TBCK: variants seen among roughly 807,000 people sequenced by gnomAD.
The protein encoded by TBCK is TBC1 domain containing kinase.
TBCK carries 99 observed loss-of-function variants against 113.4 expected under a neutral mutation model. The ratio of observed to expected loss-of-function variants is 0.87; its 90% CI spans 0.74 to 1.03. The LOEUF is 1.03. Ranked by LOEUF, TBCK falls within the 50% of genes least tolerant of loss-of-function variation. The pLI is 0.00. For synonymous variants in TBCK, 369 were observed against 370.8 expected (o/e 1.00, Z 0.05); for missense variants, 1,045 against 1,061.3 (o/e 0.98, Z 0.21).
intron 24 of TBCK, 109 bp downstream of exon 24, chr4:106,116,089 CTTGAA>C: frequency 1.0e-6 from 1 of 997,002 alleles, no homozygotes; most frequent in East Asian, 2.4e-5. Context: ...AATTTAACTA[CTTGAA>C]TTCAGAAGAA....
intron 20 of TBCK, among the ~76,000 whole-genome samples, chr4:106,202,973 TATAA>T (rs1307172572): frequency 3.3e-5 from 5 of 152,110 alleles, no homozygotes; most frequent in Admixed American, 6.5e-5. Context: ...GCAATGTAAT[TATAA>T]ATAGATGATA....
intron 25 of TBCK, among the ~76,000 whole-genome samples, chr4:106,070,957 G>A (rs538764399): frequency 6.6e-6 from 1 of 152,124 alleles, no homozygotes; most frequent in East Asian, 1.9e-4. Context: ...TTTTCTGATG[G>A]TAGTTTGTAT....
intron 19 of TBCK, among the ~76,000 whole-genome samples, chr4:106,226,364 T>C (rs1758245009): frequency 6.6e-6 from 1 of 152,210 alleles, no homozygotes. Flanking sequence ...AGAAGATGTC[T>C]CATATGGTCT....
intron 19 of TBCK, among the ~76,000 whole-genome samples, chr4:106,229,755 AT>A (rs139747244): frequency 6.6e-6 from 1 of 150,960 alleles, no homozygotes; most frequent in Non-Finnish European, 1.5e-5. Flanking sequence ...AAATTTTAGG[AT>A]TTTTTTTTCT....
intron 5 of TBCK, among the ~76,000 whole-genome samples, chr4:106,252,480 A>G (rs1427227854): frequency 6.6e-6 from 1 of 152,138 alleles, no homozygotes; most frequent in Non-Finnish European, 1.5e-5. Flanking sequence ...ATTTATGTAT[A>G]TATAACTTTG....
intron 23 of TBCK, among the ~76,000 whole-genome samples, chr4:106,126,812 G>A (rs900236222): frequency 2.0e-5 from 3 of 152,076 alleles, no homozygotes; most frequent in African/African-American, 7.3e-5. Context: ...ATGTATGTCT[G>A]CCTCAATAAT....
chr4:106,301,036 C>T (rs1766881296), intron 2 of TBCK, among the ~76,000 whole-genome samples: 1 of 152,034 alleles, frequency 6.6e-6, no homozygotes, highest in African/African-American at 2.4e-5. Flanking sequence ...AGCTTCTGCC[C>T]AAGAGTTCAG....
chr4:106,217,346 T>C (rs12640911), intron 19 of TBCK, among the ~76,000 whole-genome samples: 19,634 of 151,954 alleles, frequency 0.13, 1,598 homozygotes, highest in South Asian at 0.24. Flanking sequence ...CTATTCAACA[T>C]AGTGTTGGAA....
At chr4:106,103,308 GTGC>G (rs899566304) in intron 24 of TBCK, among the ~76,000 whole-genome samples, 8 of 152,128 alleles carry the variant, frequency 5.3e-5, no homozygotes, top group African/African-American at 1.7e-4. Flanking sequence ...ATACACACAG[GTGC>G]TGAAGGTAAT....
chr4:106,204,474 T>C (rs916707403), intron 20 of TBCK, among the ~76,000 whole-genome samples: 3 of 152,176 alleles, frequency 2.0e-5, no homozygotes, highest in African/African-American at 7.2e-5. Flanking sequence ...ATGCTAATGG[T>C]GCAAAGCCAC....
chr4:106,307,218 C>T (rs1440137377), intron 2 of TBCK, among the ~76,000 whole-genome samples: 1 of 152,100 alleles, frequency 6.6e-6, no homozygotes, highest in African/African-American at 2.4e-5. Context: ...CCTTAATTTC[C>T]TTCGTGTGCC....
At chr4:106,209,062 G>C (rs1376219375) in intron 20 of TBCK, among the ~76,000 whole-genome samples, 3 of 152,098 alleles carry the variant, frequency 2.0e-5, no homozygotes, top group Non-Finnish European at 2.9e-5. Flanking sequence ...CATGGGCAGG[G>C]GCAATGCCCA....
At chr4:106,102,086 A>G (rs1741623055) in intron 24 of TBCK, among the ~76,000 whole-genome samples, 1 of 152,212 alleles carries the variant, frequency 6.6e-6, no homozygotes, top group East Asian at 1.9e-4. Context: ...AAAAAACGTG[A>G]TTTCAACAAA....
intron 22 of TBCK, among the ~76,000 whole-genome samples, chr4:106,190,898 G>A (rs1209128254): frequency 1.3e-5 from 2 of 152,040 alleles, no homozygotes; most frequent in Non-Finnish European, 2.9e-5. Flanking sequence ...CTGCCACCAC[G>A]CCCGTCTAAT....
chr4:106,046,598 AGGCCTGTT>A lies in TBCK; in HGVS notation c.2646_2653del (p.Thr883ProfsTer48). 1 of 1,608,866 alleles carries A rather than the reference AGGCCTGTT, an allele frequency of 6.2e-7. No individual in the cohort carries two copies. Among genetic ancestry groups the A allele is most frequent in the Non-Finnish European group, 8.5e-7 (1 of 1,175,392 alleles). On this transcript the variant is annotated frameshift_variant, in exon 26 of 26. Transcript: ENST00000394708. LOFTEE classifies it high-confidence loss of function. ...TATTTGAGGAGATGGGATGGTGAGG[AGGCCTGTT>A]GGCTTTATTTTATTAATGCCACCAT...
At chr4:106,288,252 G>A (rs1765317056) in intron 3 of TBCK, among the ~76,000 whole-genome samples, 1 of 152,058 alleles carries the variant, frequency 6.6e-6, no homozygotes, top group Non-Finnish European at 1.5e-5. Context: ...AAATTAGCCA[G>A]GCATGGCGGT....
In TBCK at chr4:106,260,455, T is replaced by C. The variant is rs1373777005; in HGVS notation, c.437A>G (p.Asp146Gly). 7.2e-7 allele frequency: 1 copy of C among 1,384,212 alleles called. No homozygotes were observed. The highest frequency in any genetic ancestry group is 9.6e-7 in the Non-Finnish European group (1 of 1,045,344). 85.7% of individuals were successfully genotyped at this position (1,384,212 alleles called of 1,614,324 possible). The change falls in exon 5 of 26, where the codon GAT becomes GGT. Residue 146 changes from aspartate to glycine, a missense_variant. Transcript: ENST00000394708. ...GLYHMTAHGD[D>G]VDFPIGYPSY... ...TCCTTACCCTATTGGGAAATCAACATCATCACCATGAGCTGTCATGTGATA... is the reference window on the plus strand; with the variant it reads ...TCCTTACCCTATTGGGAAATCAACACCATCACCATGAGCTGTCATGTGATA...
At chr4:106,209,599 C>T (rs1755902877) in intron 20 of TBCK, among the ~76,000 whole-genome samples, 1 of 152,090 alleles carries the variant, frequency 6.6e-6, no homozygotes, top group South Asian at 2.1e-4. Flanking sequence ...CACTGCCCTC[C>T]ACATCCACAT....
chr4:106,223,622 G>A (rs1159670196), intron 19 of TBCK, among the ~76,000 whole-genome samples: 1 of 151,978 alleles, frequency 6.6e-6, no homozygotes, highest in Non-Finnish European at 1.5e-5. Flanking sequence ...ACAGAAAATT[G>A]GGGAAACTTT....
Sources: gnomAD v4.1 joint callset for allele counts (sites outside exome capture counted in the v4.1 genomes callset) on GRCh38, gnomAD v4.1.1 for gene constraint, MANE v1.5 for transcripts, NCBI Gene and HGNC (gene_info 2026-07-23, HGNC 2026-07-21) for gene names.